The following RANBP17 variants were observed in gnomAD, a reference collection of about 807,000 sequenced individuals.
The protein encoded by RANBP17 is RAN binding protein 17.
A neutral mutation model predicts 141.2 loss-of-function variants in RANBP17; 158 were observed. That is an observed-to-expected ratio of 1.12 (90% CI 0.98 to 1.28). The LOEUF (loss-of-function observed/expected upper bound fraction) is 1.28, where lower values mean the gene tolerates loss of function less well. RANBP17 is among the 50% of genes most tolerant of loss of function. The pLI is 0.00. For missense variants in RANBP17, 1,438 were observed against 1,290.7 expected (o/e 1.11, Z -1.75); for synonymous variants, 430 against 450.0 (o/e 0.96, Z 0.56).
At chr5:171,277,505 G>A (rs1417841134) in intron 25 of RANBP17, among the ~76,000 whole-genome samples, 1 of 150,512 alleles carries the variant, frequency 6.6e-6, no homozygotes, top group South Asian at 2.1e-4. Flanking sequence ...GACATAAGAT[G>A]TCGCTATAGA....
At position 171,199,721 on chromosome 5, in the gene RANBP17, T is replaced by G. The variant is rs368322657; in HGVS notation, c.2090T>G (p.Phe697Cys). Reference sequence around the variant, plus strand: ...TTCATGCTGCCTCTTACAGTTGCTTTTGAAACAGTATTACAAATATTCAAC... The same window carrying G: ...TTCATGCTGCCTCTTACAGTTGCTTGTGAAACAGTATTACAAATATTCAAC... ...ENFMLPLTVAFETVLQIFNNN... is the reference protein window; with the variant it reads ...ENFMLPLTVACETVLQIFNNN... Residue 697 changes from phenylalanine to cysteine, a missense_variant, in exon 19 of 28, where the codon TTT becomes TGT. Physicochemically the swap from Phe to Cys is radical, Grantham distance 205 (BLOSUM62 -2). Transcript: ENST00000523189. The G allele has an allele frequency of 6.2e-7, 1 of 1,611,888 alleles. No homozygotes were observed. The highest frequency in any genetic ancestry group is 8.5e-7 in the Non-Finnish European group (1 of 1,178,822).
At chr5:170,953,115 A>C (rs898851208) in intron 12 of RANBP17, among the ~76,000 whole-genome samples, 8 of 152,106 alleles carry the variant, frequency 5.3e-5, no homozygotes, top group African/African-American at 1.9e-4. Flanking sequence ...TGTTCCAAGC[A>C]GGGGAAATAT....
At chr5:171,230,203 G>A (rs1202015593) in intron 22 of RANBP17, among the ~76,000 whole-genome samples, 1 of 152,118 alleles carries the variant, frequency 6.6e-6, no homozygotes, top group African/African-American at 2.4e-5. Flanking sequence ...AGTGCCATAG[G>A]AGCCCAGAAG....
At chr5:170,988,902 G>A (rs1778330503) in intron 14 of RANBP17, among the ~76,000 whole-genome samples, 1 of 151,746 alleles carries the variant, frequency 6.6e-6, no homozygotes, top group African/African-American at 2.4e-5. Context: ...TATAGTCCTA[G>A]CTACTGGCAA....
chr5:171,012,682 CTTGT>C (rs1366678557), intron 14 of RANBP17, among the ~76,000 whole-genome samples: 1 of 152,060 alleles, frequency 6.6e-6, no homozygotes, highest in African/African-American at 2.4e-5. Flanking sequence ...AGTATTATTT[CTTGT>C]TTAAGTCATT....
intron 14 of RANBP17, among the ~76,000 whole-genome samples, chr5:171,136,322 G>A (rs918275218): frequency 2.6e-5 from 4 of 152,054 alleles, no homozygotes; most frequent in African/African-American, 7.2e-5. Context: ...TCAACTGGAT[G>A]TTCATGTTTA....
At chr5:170,881,278 T>G (rs77987687) in intron 2 of RANBP17, among the ~76,000 whole-genome samples, 4,079 of 152,192 alleles carry the variant, frequency 0.027, 169 homozygotes, top group African/African-American at 0.093. Flanking sequence ...AGTGAATACA[T>G]GAACCAAATT....
chr5:171,298,356 A>G (rs952797239), intron 27 of RANBP17, among the ~76,000 whole-genome samples: 5 of 152,228 alleles, frequency 3.3e-5, no homozygotes, highest in African/African-American at 1.2e-4. Context: ...ACTCATACCT[A>G]CCTCAGGGAA....
chr5:171,297,225 T>C (rs1298860378), intron 27 of RANBP17, among the ~76,000 whole-genome samples: 6 of 152,262 alleles, frequency 3.9e-5, no homozygotes, highest in African/African-American at 1.4e-4. Context: ...ACTTCATTCA[T>C]TCATTCATTT....
intron 19 of RANBP17, among the ~76,000 whole-genome samples, chr5:171,200,241 G>T (rs1337258355): frequency 6.6e-6 from 1 of 152,122 alleles, no homozygotes; most frequent in East Asian, 1.9e-4. Context: ...ATAGGAACTG[G>T]TCTTGAAGTA....
At chr5:170,980,871 A>C (rs139426694) in intron 14 of RANBP17, among the ~76,000 whole-genome samples, 1,591 of 152,266 alleles carry the variant, frequency 0.01, 22 homozygotes, top group African/African-American at 0.035. Flanking sequence ...CCAGAATGGT[A>C]GATCCACTGA....
intron 14 of RANBP17, chr5:170,982,964 C>T (rs1332310787): frequency 3.0e-6 from 1 of 334,204 alleles, no homozygotes; most frequent in Non-Finnish European, 5.7e-6. Flanking sequence ...TGAATTTCAA[C>T]TTAAAATTGT....
At chr5:171,240,194 C>G (rs1764779373) in intron 22 of RANBP17, among the ~76,000 whole-genome samples, 1 of 152,028 alleles carries the variant, frequency 6.6e-6, no homozygotes, top group African/African-American at 2.4e-5. Context: ...TAGTAACATA[C>G]TTACTAGCAC....
chr5:171,266,246 A>G (rs1031458537), intron 25 of RANBP17, among the ~76,000 whole-genome samples: 1 of 152,168 alleles, frequency 6.6e-6, no homozygotes, highest in African/African-American at 2.4e-5. Flanking sequence ...CTGGGCTCCT[A>G]GTGTATGCCA....
intron 12 of RANBP17, among the ~76,000 whole-genome samples, chr5:170,946,766 C>T (rs1774801307): frequency 6.6e-6 from 1 of 152,100 alleles, no homozygotes; most frequent in African/African-American, 2.4e-5. Context: ...CTATATAAGA[C>T]ACATAACAAG....
chr5:171,281,231 C>CA (rs1280031457), intron 25 of RANBP17, among the ~76,000 whole-genome samples: 1 of 152,054 alleles, frequency 6.6e-6, no homozygotes, highest in Non-Finnish European at 1.5e-5. Context: ...ATCCTGTAAA[C>CA]AAAAAATGTC....
rs145701547 is a variant in RANBP17, at chr5:171,210,731, G to A, written c.2232-2900G>A. Reference sequence around the variant, plus strand: ...TTAAAAGCTATATCTTCCTGGCCGGGCATGGTGGCTCATGCTTGTAATCCC... The same window carrying A: ...TTAAAAGCTATATCTTCCTGGCCGGACATGGTGGCTCATGCTTGTAATCCC... On this transcript the variant is annotated intron_variant, in intron 20 of 27. Transcript: ENST00000523189. Among the ~76,000 whole-genome samples the A allele has an allele frequency of 2.9e-3, 434 of 152,264 alleles. 3 individuals carry two copies. Among genetic ancestry groups the A allele is most frequent in the Non-Finnish European group, 4.6e-3 (311 of 68,022 alleles).
At chr5:170,982,452 A>C (rs923108067) in intron 14 of RANBP17, among the ~76,000 whole-genome samples, 1 of 152,194 alleles carries the variant, frequency 6.6e-6, no homozygotes, top group Non-Finnish European at 1.5e-5. Flanking sequence ...ATTAATATTA[A>C]AACCATTAAA....
At chr5:170,988,213 G>C (rs1032661884) in intron 14 of RANBP17, among the ~76,000 whole-genome samples, 1 of 151,136 alleles carries the variant, frequency 6.6e-6, no homozygotes, top group Non-Finnish European at 1.5e-5. Flanking sequence ...AATGCACAAA[G>C]TAAAACTCCA....
Sources: gnomAD v4.1 joint callset for allele counts (sites outside exome capture counted in the v4.1 genomes callset) on GRCh38, gnomAD v4.1.1 for gene constraint, MANE v1.5 for transcripts, NCBI Gene and HGNC (gene_info 2026-07-23, HGNC 2026-07-21) for gene names.